Variants in SEMA7A observed in about 807,000 individuals in gnomAD.
The protein encoded by SEMA7A is semaphorin 7A (JohnMiltonHagen blood group).
SEMA7A carries 21 observed loss-of-function variants against 67.5 expected under a neutral mutation model. That is an observed-to-expected ratio of 0.31 (90% CI 0.22 to 0.45). The LOEUF is 0.45. Among genes scored for constraint, SEMA7A ranks in the 20% least tolerant of loss-of-function variants. The pLI is 1.00. For missense variants in SEMA7A, 774 were observed against 908.6 expected, an observed-to-expected ratio of 0.85 and a Z score of 1.90; for synonymous variants, 364 against 368.5, an observed-to-expected ratio of 0.99 and a Z score of 0.14.
intron 1 of SEMA7A, among the ~76,000 whole-genome samples, chr15:74,430,738 G>A (rs2061081555): frequency 1.3e-5 from 2 of 152,206 alleles, no homozygotes; most frequent in Non-Finnish European, 2.9e-5. Flanking sequence ...CACCTTGAAG[G>A]TGATGAACAC....
intron 8 of SEMA7A, 112 bp downstream of exon 8, chr15:74,415,689 G>A (rs1444646196): frequency 1.4e-5 from 15 of 1,091,094 alleles, no homozygotes; most frequent in Admixed American, 2.7e-5. Context: ...TCTTGAGCCT[G>A]CAGCCCCTGC....
intron 7 of SEMA7A, among the ~76,000 whole-genome samples, 191 bp downstream of exon 7, chr15:74,416,384 A>G (rs1009529031): frequency 2.6e-5 from 4 of 151,922 alleles, no homozygotes; most frequent in Non-Finnish European, 2.9e-5. Flanking sequence ...CGTGCACAGG[A>G]GCTCAGCCAC....
chr15:74,425,137 C>T (rs2061033118), intron 1 of SEMA7A, among the ~76,000 whole-genome samples: 1 of 152,216 alleles, frequency 6.6e-6, no homozygotes, highest in South Asian at 2.1e-4. Flanking sequence ...GCTGCCAGGG[C>T]TGCATTCCAT....
At chr15:74,413,549 T>C (rs1219231501) in intron 10 of SEMA7A, among the ~76,000 whole-genome samples, 1 of 152,160 alleles carries the variant, frequency 6.6e-6, no homozygotes, top group African/African-American at 2.4e-5. Flanking sequence ...CCCAGTGCCC[T>C]GCCATCCCTG....
Position 74,410,784 on chromosome 15 carries a change from T to C in SEMA7A, c.1841A>G (p.Glu614Gly). 6.2e-7 allele frequency: 1 copy of C among 1,614,174 alleles called. No individual in the cohort carries two copies. Among genetic ancestry groups the C allele is most frequent in the Non-Finnish European group, 8.5e-7 (1 of 1,180,026 alleles). Reference sequence around the variant, plus strand: ...GCGGAAGTAGGAGCCCTCCTGGGCCTCGCAGAAGTAGTGGCCGTACTGCTG... The same window carrying C: ...GCGGAAGTAGGAGCCCTCCTGGGCCCCGCAGAAGTAGTGGCCGTACTGCTG... ...TAQQYGHYFC[E>G]AQEGSYFREA... Residue 614 changes from glutamate (E) to glycine (G), a missense_variant, in exon 14 of 14, where the codon GAG becomes GGG. Physicochemically the swap from Glu to Gly is moderately conservative, Grantham distance 98 (BLOSUM62 -2). Around this residue, in one of 2 missense-constraint regions of SEMA7A, gnomAD observed 427 missense variants for 555.4 expected, o/e 0.77. Transcript: ENST00000261918. This position sits in a 1 kb window ranked among gnomAD's most constrained non-coding sequence, Gnocchi z 7.5.
At position 74,417,615 on chromosome 15, in the gene SEMA7A, C is replaced by G. The variant is rs759619677; in HGVS notation, c.526G>C (p.Glu176Gln). ...MRGYAPFSPD[E>Q]NSLVLFEGDE... ...CCTTCAAACAGAACCAGGGAGTTCT[C>G]GTCCGGGCTGAAGGGGGCGTAGCCT... The change falls in exon 5 of 14, where the codon GAG becomes CAG. Residue 176 changes from glutamate to glutamine, a missense_variant. By Grantham distance (29) the Glu-to-Gln change is conservative. Coordinates refer to ENST00000261918, the MANE Select transcript of SEMA7A (RefSeq NM_003612.5). 6.2e-7 allele frequency: 1 copy of G among 1,612,754 alleles called. No individual in the cohort carries two copies. The highest frequency in any genetic ancestry group is 8.5e-7 in the Non-Finnish European group (1 of 1,179,914).
Position 74,411,779 on chromosome 15 carries a change from T to C in SEMA7A, c.1423-69A>G. The C allele has an allele frequency of 6.2e-7, 1 of 1,604,286 alleles. No homozygotes were observed. The highest frequency in any genetic ancestry group is 1.1e-5 in the South Asian group (1 of 90,308). ...CACTCAGTCCTAAATGTCCAGGCCC[T>C]AAGGCCTAGAAGCTCTTAAAAGAAC... On this transcript the variant is annotated intron_variant, in intron 11 of 13. Transcript: ENST00000261918. The surrounding 1 kb of genome is among the most constrained non-coding windows in gnomAD (Gnocchi z 4.4).
intron 1 of SEMA7A, among the ~76,000 whole-genome samples, chr15:74,428,668 G>A (rs1309460486): frequency 2.0e-5 from 3 of 152,208 alleles, no homozygotes; most frequent in Non-Finnish European, 1.5e-5. Context: ...GGGAGTCTAG[G>A]AGGCAGTGGG....
chr15:74,433,855 G>T lies in SEMA7A; in HGVS notation c.64C>A (p.Pro22Thr). ...CGCAGCGGAAGCCCCAACCGAGCCG[G>T]CGGGCCAGGGACGCGGGCGCGCGGT... ...SAPRARVPGP[P>T]ARLGLPLRLR... is the part of the protein sequence containing the mutation. The change falls in exon 1 of 14, where the codon CCG becomes ACG. Residue 22 changes from proline (P) to threonine (T), a missense_variant. By Grantham distance (38) the Pro-to-Thr change is conservative. Transcript: ENST00000261918. The T allele has an allele frequency of 7.6e-7, 1 of 1,314,694 alleles. No individual in the cohort carries two copies. Among genetic ancestry groups the T allele is most frequent in the South Asian group, 2.2e-5 (1 of 44,608 alleles). The allele number at this position is 1,314,694 out of a possible 1,614,324, so 81.4% of individuals were successfully genotyped here.
rs1263507547 is a variant in SEMA7A, at chr15:74,411,662, C to A, written c.1471G>T (p.Asp491Tyr). Residue 491 changes from aspartate (D) to tyrosine (Y), a missense_variant, in exon 12 of 14, where the codon GAC (aspartate) becomes TAC (tyrosine). Transcript: ENST00000261918. The surrounding 1 kb of genome is among the most constrained non-coding windows in gnomAD (Gnocchi z 4.4). ...SQWEVSQVPL[D>Y]LCEVYGGGCH... is the part of the protein sequence containing the mutation. ...CCCCCGCCATAGACCTCACACAGGT[C>A]CAGGGGCACCTGGCTCACCTCCCAC... 10 of 1,613,704 alleles carry A rather than the reference C, an allele frequency of 6.2e-6. No individual in the cohort carries two copies. The East Asian group carries it at 2.2e-4, about 36-fold the overall frequency.
chr15:74,417,414 C>T lies in SEMA7A; in HGVS notation c.582G>A (p.Gln194=), dbSNP rs1378065512. The T allele has an allele frequency of 1.2e-6, 2 of 1,613,924 alleles. No individual in the cohort carries two copies. Among genetic ancestry groups the T allele is most frequent in the African/African-American group, 2.7e-5 (2 of 74,924 alleles). ...GDEVYSTIRK[Q]EYNGKIPRFR... ...ACCGAGGGATCTTCCCATTGTATTC[C>T]TGCTTCCGGATGGTGGAATACACCT... Residue 194 remains glutamine (Q), a synonymous_variant, in exon 6 of 14, where the codon CAG becomes CAA. Coordinates refer to ENST00000261918, the MANE Select transcript of SEMA7A (RefSeq NM_003612.5).
chr15:74,410,771 G>A lies in SEMA7A; in HGVS notation c.1854C>T (p.Gly618=). 6.2e-7 allele frequency: 1 copy of A among 1,614,168 alleles called. No homozygotes were observed. The highest frequency in any genetic ancestry group is 1.1e-5 in the South Asian group (1 of 91,080). The change falls in exon 14 of 14, where the codon GGC becomes GGT. Residue 618 remains glycine (G), a synonymous_variant. Transcript: ENST00000261918. This position sits in a 1 kb window ranked among gnomAD's most constrained non-coding sequence, Gnocchi z 7.5. ...AGTGCTGAGCCTCGCGGAAGTAGGA[G>A]CCCTCCTGGGCCTCGCAGAAGTAGT... ...YGHYFCEAQE[G]SYFREAQHWQ...
At chr15:74,426,807 C>A (rs2061047476) in intron 1 of SEMA7A, among the ~76,000 whole-genome samples, 1 of 152,160 alleles carries the variant, frequency 6.6e-6, no homozygotes, top group South Asian at 2.1e-4. Context: ...CTGAAGCTGA[C>A]CACAGTGAAG....
In SEMA7A at chr15:74,410,787, C is replaced by G. The variant is rs2060892658; in HGVS notation, c.1838G>C (p.Cys613Ser). 1 of 1,614,064 alleles carries G rather than the reference C, an allele frequency of 6.2e-7. No homozygotes were observed. The highest frequency in any genetic ancestry group is 1.3e-5 in the African/African-American group (1 of 74,942). ...LTAQQYGHYF[C>S]EAQEGSYFRE... ...GAAGTAGGAGCCCTCCTGGGCCTCG[C>G]AGAAGTAGTGGCCGTACTGCTGCGC... The change falls in exon 14 of 14, where the codon TGC becomes TCC. Residue 613 changes from cysteine (C) to serine (S), a missense_variant. By Grantham distance (112) the Cys-to-Ser change is moderately radical. This residue lies in a region of SEMA7A where 427 missense variants were observed against 555.4 expected (regional missense o/e 0.77). Coordinates refer to ENST00000261918, the MANE Select transcript of SEMA7A (RefSeq NM_003612.5). The surrounding 1 kb of genome is among the most constrained non-coding windows in gnomAD (Gnocchi z 7.5).
At chr15:74,427,419 G>A (rs1024960129) in intron 1 of SEMA7A, 7 of 984,128 alleles carry the variant, frequency 7.1e-6, no homozygotes, top group Non-Finnish European at 8.4e-6. Flanking sequence ...TTCCTTCCTC[G>A]ACAGGCTGGG....
chr15:74,413,286 C>T (rs1355127075), intron 10 of SEMA7A, among the ~76,000 whole-genome samples: 1 of 152,248 alleles, frequency 6.6e-6, no homozygotes, highest in Admixed American at 6.5e-5. Context: ...AATACTTCTC[C>T]CAGTTGTGAG....
At chr15:74,428,281 G>A (rs2061059017) in intron 1 of SEMA7A, among the ~76,000 whole-genome samples, 2 of 152,224 alleles carry the variant, frequency 1.3e-5, no homozygotes, top group African/African-American at 4.8e-5. Context: ...GGCACTGAAG[G>A]GGCCCCCAGC....
chr15:74,410,747 G>C lies in SEMA7A; in HGVS notation c.1878C>G (p.His626Gln), dbSNP rs2060892162. ...TGCCGTCCTCGGGCAGCAGCTGCCA[G>C]TGCTGAGCCTCGCGGAAGTAGGAGC... ...QEGSYFREAQ[H>Q]WQLLPEDGIM... Residue 626 changes from histidine (H) to glutamine (Q), a missense_variant, in exon 14 of 14, where the codon CAC becomes CAG. Physicochemically the swap from His to Gln is conservative, Grantham distance 24. Coordinates refer to ENST00000261918, the MANE Select transcript of SEMA7A (RefSeq NM_003612.5). This position sits in a 1 kb window ranked among gnomAD's most constrained non-coding sequence, Gnocchi z 7.5. 6.2e-7 allele frequency: 1 copy of C among 1,613,966 alleles called. No individual in the cohort carries two copies. Among genetic ancestry groups the C allele is most frequent in the Non-Finnish European group, 8.5e-7 (1 of 1,180,046 alleles).
intron 1 of SEMA7A, 72 bp downstream of exon 1, chr15:74,433,669 G>T: frequency 7.4e-7 from 1 of 1,352,714 alleles, no homozygotes; most frequent in Non-Finnish European, 9.4e-7. Flanking sequence ...CTCCCTCCGG[G>T]TGCAGCACAC....
Sources: gnomAD v4.1 joint callset for allele counts (sites outside exome capture counted in the v4.1 genomes callset) on GRCh38, gnomAD v4.1.1 for gene constraint, gnomAD v4.1.1 regional missense constraint, Gnocchi (gnomAD v3.1) non-coding constraint, MANE v1.5 for transcripts, NCBI Gene and HGNC (gene_info 2026-07-23, HGNC 2026-07-21) for gene names.